The following ERG variants were observed in gnomAD, a reference collection of about 807,000 sequenced individuals.
ERG encodes transcriptional regulator ERG.
Under a neutral mutation model 55.3 loss-of-function variants are expected in ERG, and 9 were observed. The ratio of observed to expected loss-of-function variants is 0.16; its 90% CI spans 0.10 to 0.28. The LOEUF is 0.28. Among genes scored for constraint, ERG ranks in the 10% least tolerant of loss-of-function variants. The pLI is 1.00. For missense variants in ERG, 434 were observed against 631.6 expected, an observed-to-expected ratio of 0.69 and a Z score of 3.35; for synonymous variants, 223 against 237.3, an observed-to-expected ratio of 0.94 and a Z score of 0.55.
intron 1 of ERG, among the ~76,000 whole-genome samples, chr21:38,652,412 G>T (rs759756752): frequency 6.6e-6 from 1 of 152,112 alleles, no homozygotes; most frequent in Non-Finnish European, 1.5e-5. Context: ...CCCAAAAAGG[G>T]ACTCAAAGTG....
At chr21:38,531,895 G>A (rs903746850) in intron 2 of ERG, among the ~76,000 whole-genome samples, 1 of 152,070 alleles carries the variant, frequency 6.6e-6, no homozygotes, top group Non-Finnish European at 1.5e-5. Context: ...CAGAACCCAG[G>A]CCAGGAAAAG....
chr21:38,495,074 G>A (rs888273345), intron 1 of ERG, among the ~76,000 whole-genome samples: 5 of 152,170 alleles, frequency 3.3e-5, no homozygotes, highest in Admixed American at 2.6e-4. Context: ...GACGCAATTC[G>A]TATTTCACTT....
chr21:38,520,088 A>C (rs1333103997), intron 2 of ERG, among the ~76,000 whole-genome samples: 1 of 152,208 alleles, frequency 6.6e-6, no homozygotes, highest in Non-Finnish European at 1.5e-5. Context: ...GCAGGTCAAA[A>C]CTTTTCACGT....
intron 1 of ERG, among the ~76,000 whole-genome samples, chr21:38,619,773 G>A (rs1335557989): frequency 6.6e-6 from 1 of 152,194 alleles, no homozygotes; most frequent in East Asian, 1.9e-4. Flanking sequence ...TAGCATCATT[G>A]TCATCACTTT....
intron 1 of ERG, among the ~76,000 whole-genome samples, chr21:38,630,795 A>G (rs774927793): frequency 2.4e-4 from 37 of 152,204 alleles, no homozygotes; most frequent in Non-Finnish European, 4.1e-4. Flanking sequence ...GCTTTAAGAA[A>G]TGGTTCTGAG....
chr21:38,367,532 C>T, the ERG span: 4 of 455,852 alleles, frequency 8.8e-6, 1 homozygote, highest in South Asian at 7.6e-5. Flanking sequence ...AGTCTCTTCC[C>T]CCAGAATAAG....
intron 3 of ERG, among the ~76,000 whole-genome samples, chr21:38,420,306 G>A (rs999258570): frequency 7.6e-4 from 31 of 40,604 alleles, no homozygotes; most frequent in Admixed American, 5.3e-3. Context: ...GTGTGTGCGT[G>A]TGTGTGTGTG....
chr21:38,370,635 C>T, the ERG span, among the ~76,000 whole-genome samples: 1 of 151,826 alleles, frequency 6.6e-6, no homozygotes, highest in African/African-American at 2.4e-5. Context: ...TAATTTTCCC[C>T]ATTATAAAGA....
At chr21:38,613,406 C>T (rs2060239983) in intron 1 of ERG, among the ~76,000 whole-genome samples, 1 of 150,716 alleles carries the variant, frequency 6.6e-6, no homozygotes, top group Non-Finnish European at 1.5e-5. Context: ...TAAAGCACGC[C>T]CCCTGACCAC....
chr21:38,433,033 G>A (rs542487254), intron 2 of ERG, among the ~76,000 whole-genome samples: 92 of 152,300 alleles, frequency 6.0e-4, no homozygotes, highest in African/African-American at 2.0e-3. Context: ...GCAGGGCCCC[G>A]TGGGAGACTT....
At chr21:38,656,510 C>A (rs750177464) in intron 1 of ERG, among the ~76,000 whole-genome samples, 2 of 152,168 alleles carry the variant, frequency 1.3e-5, no homozygotes, top group Non-Finnish European at 2.9e-5. Flanking sequence ...GATAGTCACA[C>A]AAACCTCCCT....
At chr21:38,481,307 A>G (rs1450304947) in intron 1 of ERG, among the ~76,000 whole-genome samples, 1 of 152,238 alleles carries the variant, frequency 6.6e-6, no homozygotes. Flanking sequence ...TTATTCATGC[A>G]TTCATTCATT....
intron 2 of ERG, among the ~76,000 whole-genome samples, chr21:38,514,165 T>TA (rs992585492): frequency 3.4e-5 from 5 of 146,704 alleles, no homozygotes; most frequent in South Asian, 2.1e-4. Context: ...AATAAAAAAA[T>TA]AAAAAAAAGA....
At chr21:38,633,217 G>A (rs149808798) in intron 1 of ERG, among the ~76,000 whole-genome samples, 10 of 152,296 alleles carry the variant, frequency 6.6e-5, no homozygotes, top group Admixed American at 5.9e-4. Context: ...GTTACCACAG[G>A]CTGGAGAAAG....
chr21:38,552,074 G>T (rs767703597), intron 2 of ERG, among the ~76,000 whole-genome samples: 1 of 152,016 alleles, frequency 6.6e-6, no homozygotes, highest in Non-Finnish European at 1.5e-5. Flanking sequence ...TGTTGAATTG[G>T]ACCCTTTATC....
intron 3 of ERG, among the ~76,000 whole-genome samples, chr21:38,415,684 A>G (rs1294528895): frequency 6.6e-6 from 1 of 152,140 alleles, no homozygotes; most frequent in Non-Finnish European, 1.5e-5. Context: ...GGTCTCACCC[A>G]GTTGTGCAAG....
intron 1 of ERG, among the ~76,000 whole-genome samples, chr21:38,452,144 C>T (rs1223220450): frequency 6.6e-6 from 1 of 152,146 alleles, no homozygotes; most frequent in Non-Finnish European, 1.5e-5. Context: ...GAGTATTTCT[C>T]CAATATGGTA....
In ERG at chr21:38,429,705, G is replaced by A. The variant is rs569220659; in HGVS notation, c.237-6144C>T. Among the ~76,000 whole-genome samples the A allele has an allele frequency of 1.2e-3, 136 of 116,096 alleles. 1 individual carries two copies. The highest frequency in any genetic ancestry group is 4.3e-3 in the African/African-American group (128 of 29,934). 76.2% of individuals were successfully genotyped at this position (116,096 alleles called of 152,430 possible). ...TATATATGTGTGTATACATGTATAT[G>A]TGTGTGCATATATGTCTATATATAT... On this transcript the variant is annotated intron_variant, in intron 2 of 9. Transcript: ENST00000288319.
chr21:38,514,542 T>C (rs934413601), intron 2 of ERG, among the ~76,000 whole-genome samples: 1 of 151,934 alleles, frequency 6.6e-6, no homozygotes, highest in African/African-American at 2.4e-5. Context: ...CATTCAACAT[T>C]CATATTAAAA....
Sources: gnomAD v4.1 joint callset for allele counts (sites outside exome capture counted in the v4.1 genomes callset) on GRCh38, gnomAD v4.1.1 for gene constraint, MANE v1.5 for transcripts, NCBI Gene and HGNC (gene_info 2026-07-23, HGNC 2026-07-21) for gene names.